Variants in KCNN2 observed in about 807,000 individuals in gnomAD.
The protein encoded by KCNN2 is small conductance calcium-activated potassium channel protein 2.
A neutral mutation model predicts 55.5 loss-of-function variants in KCNN2; 24 were observed. That is an observed-to-expected ratio of 0.43 (90% CI 0.31 to 0.61). The LOEUF (loss-of-function observed/expected upper bound fraction) is 0.61, where lower values mean the gene tolerates loss of function less well. Ranked by LOEUF, KCNN2 falls within the 20% of genes least tolerant of loss-of-function variation. The pLI is 0.08. For missense variants in KCNN2, 754 were observed against 853.6 expected (o/e 0.88, Z 1.45); for synonymous variants, 431 against 336.1 (o/e 1.28, Z -3.09).
At chr5:114,350,287 T>G (rs1204528414) in intron 2 of KCNN2, among the ~76,000 whole-genome samples, 2 of 151,924 alleles carry the variant, frequency 1.3e-5, no homozygotes, top group Non-Finnish European at 2.9e-5. Context: ...CTTTTAGTTA[T>G]CTTGAAATAC....
chr5:114,291,001 T>C (rs1436937381), intron 2 of KCNN2, among the ~76,000 whole-genome samples: 2 of 152,116 alleles, frequency 1.3e-5, no homozygotes, highest in African/African-American at 2.4e-5. Context: ...GCCTGACATA[T>C]GGTCTATCCA....
At position 114,172,867 on chromosome 5, in the gene KCNN2, A is replaced by C. The variant is rs188784690; in HGVS notation, c.-270-48613A>C. ...CAGATGGGCAGTTTGCAAATATTTT[A>C]TCTTATTCTGTGGGTTGTCTCTTCA... On this transcript the variant is annotated intron_variant, in intron 1 of 10. Transcript: ENST00000512097. Among the ~76,000 whole-genome samples, 28 of 151,610 alleles carry C rather than the reference A, an allele frequency of 1.8e-4. No homozygotes were observed. The East Asian group carries it at 3.1e-3, about 17-fold the overall frequency.
intron 2 of KCNN2, among the ~76,000 whole-genome samples, chr5:114,376,525 A>T (rs928359839): frequency 3.3e-5 from 5 of 152,170 alleles, no homozygotes; most frequent in Admixed American, 1.3e-4. Flanking sequence ...AAGCAATAGG[A>T]TAGGGAGGCT....
intron 2 of KCNN2, among the ~76,000 whole-genome samples, chr5:114,272,332 A>G (rs939944877): frequency 2.4e-5 from 3 of 126,690 alleles, no homozygotes; most frequent in Non-Finnish European, 5.0e-5. Context: ...GTATGTACAT[A>G]TACACACATA....
intron 2 of KCNN2, among the ~76,000 whole-genome samples, chr5:114,241,041 A>G (rs1359437952): frequency 6.6e-6 from 1 of 152,066 alleles, no homozygotes; most frequent in Admixed American, 6.5e-5. Context: ...ATTTGGAGTA[A>G]AAAACATTTG....
At chr5:114,438,028 A>G (rs189186679) in intron 3 of KCNN2, among the ~76,000 whole-genome samples, 25 of 152,270 alleles carry the variant, frequency 1.6e-4, no homozygotes, top group Admixed American at 1.1e-3. Context: ...ATCTACACCA[A>G]TCTGTTAATA....
chr5:114,409,919 G>A (rs1759075936), intron 3 of KCNN2, among the ~76,000 whole-genome samples: 1 of 152,086 alleles, frequency 6.6e-6, no homozygotes, highest in Non-Finnish European at 1.5e-5. Context: ...AAGCAGAGAA[G>A]GAAGAATCTA....
chr5:114,343,322 A>G (rs758779552), intron 2 of KCNN2, among the ~76,000 whole-genome samples: 5 of 152,066 alleles, frequency 3.3e-5, no homozygotes, highest in Non-Finnish European at 5.9e-5. Context: ...GTGCTATATA[A>G]CTGAGTTCTT....
chr5:114,099,436 T>G (rs1039570538), intron 1 of KCNN2, among the ~76,000 whole-genome samples: 1 of 152,102 alleles, frequency 6.6e-6, no homozygotes, highest in African/African-American at 2.4e-5. Flanking sequence ...GCAACTACAT[T>G]GAGGAAAAGT....
intron 1 of KCNN2, among the ~76,000 whole-genome samples, chr5:114,199,284 A>G (rs1397191908): frequency 6.6e-6 from 1 of 152,014 alleles, no homozygotes; most frequent in Non-Finnish European, 1.5e-5. Flanking sequence ...GTCTTTTTCT[A>G]TCCATGTACT....
At chr5:114,105,474 C>G (rs1247745735) in intron 1 of KCNN2, among the ~76,000 whole-genome samples, 1 of 152,002 alleles carries the variant, frequency 6.6e-6, no homozygotes, top group Non-Finnish European at 1.5e-5. Context: ...GTAAGTCAAA[C>G]AAAATTGAAT....
intron 1 of KCNN2, among the ~76,000 whole-genome samples, chr5:114,158,079 A>C (rs1381895548): frequency 2.6e-5 from 4 of 152,276 alleles, no homozygotes; most frequent in Admixed American, 6.5e-5. Context: ...GTCCTTGCCC[A>C]TGCCTATGGC....
chr5:114,209,069 T>G lies in KCNN2; in HGVS notation c.-270-12411T>G, dbSNP rs1035351906. Among the ~76,000 whole-genome samples, 3 of 151,898 alleles carry G rather than the reference T, an allele frequency of 2.0e-5. 1 individual carries two copies. The highest frequency in any genetic ancestry group is 1.9e-4 in the East Asian group (1 of 5,168). ...ACTGTTGGTGACTTCTGCCTTTTTTTTTTTTGAGACAGGGTCTCGCTCTGT... is the reference window on the plus strand; with the variant it reads ...ACTGTTGGTGACTTCTGCCTTTTTTGTTTTTGAGACAGGGTCTCGCTCTGT... On this transcript the variant is annotated intron_variant, in intron 1 of 10. Transcript: ENST00000512097.
At chr5:114,297,277 C>G (rs1223757779) in intron 2 of KCNN2, among the ~76,000 whole-genome samples, 1 of 152,010 alleles carries the variant, frequency 6.6e-6, no homozygotes, top group Non-Finnish European at 1.5e-5. Context: ...GTGATTGCAC[C>G]ACTGCACTGC....
At chr5:114,271,992 G>A (rs960606017) in intron 2 of KCNN2, among the ~76,000 whole-genome samples, 4 of 152,134 alleles carry the variant, frequency 2.6e-5, no homozygotes, top group Non-Finnish European at 5.9e-5. Context: ...ATTTAATAAA[G>A]ATTAGCTGTT....
At position 114,363,033 on chromosome 5, in the gene KCNN2, C is replaced by A; in HGVS notation, c.894C>A (p.Gly298=). The change falls in exon 1 of 8, where the codon GGC becomes GGA. Residue 298 remains glycine, a synonymous_variant. Transcript: ENST00000673685. ...ACCTGGCGCTCTATGGAACCGGCGG[C>A]GGAGGCAGCACTGGAGGAGGCGGCG... ...SNNLALYGTG[G]GGSTGGGGGG... is the part of the protein sequence containing the mutation. 2 of 1,604,210 alleles carry A rather than the reference C, an allele frequency of 1.2e-6. No homozygotes were observed. The highest frequency in any genetic ancestry group is 1.1e-5 in the South Asian group (1 of 90,586).
At chr5:114,154,893 CTTTTA>C (rs1752598510) in intron 1 of KCNN2, among the ~76,000 whole-genome samples, 1 of 151,850 alleles carries the variant, frequency 6.6e-6, no homozygotes, top group Non-Finnish European at 1.5e-5. Flanking sequence ...TTTTTTTTAA[CTTTTA>C]TTTTAAGTTA....
intron 1 of KCNN2, among the ~76,000 whole-genome samples, chr5:114,148,677 T>G (rs1378654603): frequency 2.0e-5 from 3 of 152,086 alleles, no homozygotes; most frequent in Non-Finnish European, 4.4e-5. Context: ...GAATGCCACA[T>G]GTCCTCCTCT....
At chr5:114,438,025 C>T (rs746946508) in intron 3 of KCNN2, among the ~76,000 whole-genome samples, 1 of 152,158 alleles carries the variant, frequency 6.6e-6, no homozygotes, top group Non-Finnish European at 1.5e-5. Flanking sequence ...TTTATCTACA[C>T]CAATCTGTTA....
Sources: gnomAD v4.1 joint callset for allele counts (sites outside exome capture counted in the v4.1 genomes callset) on GRCh38, gnomAD v4.1.1 for gene constraint, MANE v1.5 for transcripts, NCBI Gene and HGNC (gene_info 2026-07-23, HGNC 2026-07-21) for gene names.